Variants in ANKRD30B observed in about 807,000 individuals in gnomAD.
The protein encoded by ANKRD30B is ankyrin repeat domain 30B.
A neutral mutation model predicts 202.2 loss-of-function variants in ANKRD30B; 144 were observed. The observed-to-expected ratio is 0.71, with a 90% CI of 0.62 to 0.82. The LOEUF (loss-of-function observed/expected upper bound fraction) is 0.82. Among genes scored for constraint, ANKRD30B ranks in the 40% least tolerant of loss-of-function variants. The pLI is 0.00. For synonymous variants in ANKRD30B, 508 were observed against 561.3 expected, an observed-to-expected ratio of 0.91 and a Z score of 1.34; for missense variants, 1,487 against 1,669.1, an observed-to-expected ratio of 0.89 and a Z score of 1.90.
chr18:14,880,364 CT>C, the ANKRD30B span, among the ~76,000 whole-genome samples: 6 of 152,086 alleles, frequency 3.9e-5, no homozygotes, highest in African/African-American at 1.4e-4. Context: ...GGCTACATGG[CT>C]TTCTTTTGGT....
rs1598724884 is a variant in ANKRD30B at position 14,852,283 on chromosome 18, A to C, written c.4339A>C (p.Lys1447Gln). 2 of 1,544,912 alleles carry C rather than the reference A, an allele frequency of 1.3e-6. No individual in the cohort carries two copies. The highest frequency in any genetic ancestry group is 1.7e-6 in the Non-Finnish European group (2 of 1,145,102). Reference sequence around the variant, plus strand: ...TGCACATAAGAAAGTTAACAAAAGCAAGGTAACAATTAATATTCAGTTTCC... The same window carrying C: ...TGCACATAAGAAAGTTAACAAAAGCCAGGTAACAATTAATATTCAGTTTCC... ...VYAHKKVNKS[K>Q]VTINIQFPEM... Residue 1447 changes from lysine to glutamine, a missense_variant, in exon 42 of 44, where the codon AAG becomes CAG. Lys to Gln is a moderately conservative substitution (Grantham distance 53, BLOSUM62 1). Coordinates refer to ENST00000690538, the MANE Select transcript of ANKRD30B (RefSeq NM_001367607.2).
chr18:14,791,547 T>A (rs930120098), intron 16 of ANKRD30B, 56 bp downstream of exon 16: 10 of 1,370,072 alleles, frequency 7.3e-6, no homozygotes, highest in Non-Finnish European at 1.0e-5. Context: ...TCTAAACTGA[T>A]GAGGAAGGAT....
chr18:14,772,164 G>A lies in ANKRD30B; in HGVS notation c.1265G>A (p.Gly422Asp). The change falls in exon 9 of 44, where the codon GGC (glycine) becomes GAC (aspartate). Residue 422 changes from glycine to aspartate, a missense_variant. This residue lies in a region of ANKRD30B where 889 missense variants were observed against 841.4 expected (regional missense o/e 1.06). Coordinates refer to ENST00000690538, the MANE Select transcript of ANKRD30B (RefSeq NM_001367607.2). ...ATCATTTTTCTTTAAAGTCTTTTTG[G>A]CACACGGACTATTGAAAATTCACAG... ...SSVEPIFSLFGTRTIENSQCT... is the reference protein window; with the variant it reads ...SSVEPIFSLFDTRTIENSQCT... 4 of 1,495,042 alleles carry A rather than the reference G, an allele frequency of 2.7e-6. No homozygotes were observed. Among genetic ancestry groups the A allele is most frequent in the Non-Finnish European group, 3.6e-6 (4 of 1,114,040 alleles). 92.6% of individuals were successfully genotyped at this position (1,495,042 alleles called of 1,614,324 possible).
chr18:14,872,061 A>G, the ANKRD30B span, among the ~76,000 whole-genome samples: 1 of 152,136 alleles, frequency 6.6e-6, no homozygotes, highest in Non-Finnish European at 1.5e-5. Flanking sequence ...CAGAAAATGT[A>G]GGAAACTTGC....
chr18:14,794,091 T>C (rs564880753), intron 16 of ANKRD30B, among the ~76,000 whole-genome samples: 2 of 152,252 alleles, frequency 1.3e-5, no homozygotes, highest in South Asian at 4.1e-4. Context: ...TACATTTCAA[T>C]AGCCATTACA....
chr18:14,799,612 T>G (rs1438215976), intron 22 of ANKRD30B, among the ~76,000 whole-genome samples: 3 of 152,132 alleles, frequency 2.0e-5, no homozygotes, highest in Non-Finnish European at 2.9e-5. Context: ...ATATTTTCAG[T>G]GTTTCAAATG....
chr18:14,868,181 A>G, the ANKRD30B span, among the ~76,000 whole-genome samples: 1 of 152,306 alleles, frequency 6.6e-6, no homozygotes, highest in Non-Finnish European at 1.5e-5. Flanking sequence ...CAGCAGCAGC[A>G]AGTCTAGGGG....
chr18:14,886,921 T>C, the ANKRD30B span, among the ~76,000 whole-genome samples: 1 of 152,136 alleles, frequency 6.6e-6, no homozygotes, highest in Non-Finnish European at 1.5e-5. Context: ...GACAGTTCTT[T>C]CTAGTTTTCT....
chr18:14,868,317 C>G, the ANKRD30B span, among the ~76,000 whole-genome samples: 1 of 152,398 alleles, frequency 6.6e-6, no homozygotes, highest in Non-Finnish European at 1.5e-5. Flanking sequence ...GAGTCCTCCC[C>G]CTTCTCCTGC....
chr18:14,786,844 T>C (rs772321469), intron 14 of ANKRD30B, among the ~76,000 whole-genome samples, 195 bp from the exon 15 acceptor site: 1 of 152,232 alleles, frequency 6.6e-6, no homozygotes, highest in Non-Finnish European at 1.5e-5. Context: ...AATGAAATAA[T>C]GTTAATTTTC....
At chr18:14,939,630 C>T in the ANKRD30B span, among the ~76,000 whole-genome samples, 1 of 152,192 alleles carries the variant, frequency 6.6e-6, no homozygotes, top group African/African-American at 2.4e-5. Context: ...GCCCACGGGA[C>T]ATGTAGAACA....
intron 24 of ANKRD30B, among the ~76,000 whole-genome samples, chr18:14,807,823 C>G (rs993696505): frequency 6.6e-6 from 1 of 150,966 alleles, no homozygotes; most frequent in African/African-American, 2.4e-5. Context: ...TGAGCCACGG[C>G]ACCTGGACTG....
the ANKRD30B span, among the ~76,000 whole-genome samples, chr18:14,925,812 C>A: frequency 5.3e-5 from 8 of 152,028 alleles, no homozygotes; most frequent in African/African-American, 1.7e-4. Context: ...CCCAGAGGCC[C>A]GAGGGAGAGA....
chr18:14,787,205 A>G (rs1183828667), intron 15 of ANKRD30B, 105 bp downstream of exon 15: 1 of 1,008,696 alleles, frequency 9.9e-7, no homozygotes, highest in Non-Finnish European at 1.4e-6. Flanking sequence ...TGTCACCCCC[A>G]AATTATTTTT....
rs748326669 is a variant in ANKRD30B, at chr18:14,784,316, A to G, written c.1571-20A>G. The G allele has an allele frequency of 7.5e-6, 12 of 1,609,288 alleles. No homozygotes were observed. Among genetic ancestry groups the G allele is most frequent in the Non-Finnish European group, 1.0e-5 (12 of 1,176,856 alleles). ...GTCATATTTACTTATGATTGATGAT[A>G]AATCTCTTTTGCATTTTAGAGCTTC... On this transcript the variant is annotated intron_variant, in intron 12 of 43. Coordinates refer to ENST00000690538, the MANE Select transcript of ANKRD30B (RefSeq NM_001367607.2).
chr18:14,847,247 A>G (rs1034241125), intron 39 of ANKRD30B, among the ~76,000 whole-genome samples: 3 of 151,672 alleles, frequency 2.0e-5, no homozygotes, highest in African/African-American at 7.3e-5. Flanking sequence ...GATTTACCTC[A>G]TCACAACTCA....
intron 16 of ANKRD30B, among the ~76,000 whole-genome samples, chr18:14,793,881 G>A (rs1968693569): frequency 2.0e-5 from 3 of 150,818 alleles, no homozygotes; most frequent in Admixed American, 1.3e-4. Context: ...GCGACAGGGC[G>A]AGACACCGAC....
chr18:14,810,341 T>C (rs1306138285), intron 28 of ANKRD30B, among the ~76,000 whole-genome samples, 161 bp downstream of exon 28: 1 of 151,360 alleles, frequency 6.6e-6, no homozygotes, highest in African/African-American at 2.4e-5. Context: ...GAAAATGCCA[T>C]TTAGAAGCAT....
chr18:14,881,204 T>A, the ANKRD30B span, among the ~76,000 whole-genome samples: 1 of 152,238 alleles, frequency 6.6e-6, no homozygotes, highest in Non-Finnish European at 1.5e-5. Flanking sequence ...CCATTCAGTA[T>A]TATGTTGGCT....
Sources: gnomAD v4.1 joint callset for allele counts (sites outside exome capture counted in the v4.1 genomes callset) on GRCh38, gnomAD v4.1.1 for gene constraint, gnomAD v4.1.1 regional missense constraint, MANE v1.5 for transcripts, NCBI Gene and HGNC (gene_info 2026-07-23, HGNC 2026-07-21) for gene names.